The following PSME4 variants were observed in gnomAD, a reference collection of about 807,000 sequenced individuals.
PSME4 encodes the protein proteasome activator subunit 4.
PSME4 carries 89 observed loss-of-function variants against 253.9 expected under a neutral mutation model. The observed-to-expected ratio is 0.35, with a 90% CI of 0.30 to 0.42. The LOEUF is 0.42. PSME4 is among the 10% of genes least tolerant of loss of function. The probability of loss-of-function intolerance (pLI) is 1.00; values close to 1 mark genes in which losing one functional copy is unlikely to be tolerated. For missense variants in PSME4, 2,014 were observed against 2,195.2 expected (o/e 0.92, Z 1.65); for synonymous variants, 851 against 759.2 (o/e 1.12, Z -1.99).
At chr2:53,896,585 T>C (rs1680148178) in intron 32 of PSME4, among the ~76,000 whole-genome samples, 1 of 152,180 alleles carries the variant, frequency 6.6e-6, no homozygotes, top group Non-Finnish European at 1.5e-5. Flanking sequence ...AATTGCTTAG[T>C]AGGTGAGATA....
intron 3 of PSME4, among the ~76,000 whole-genome samples, chr2:53,940,940 A>AATAT (rs1285943060): frequency 2.3e-4 from 12 of 51,296 alleles, no homozygotes; most frequent in African/African-American, 9.0e-4. Context: ...TACATATATA[A>AATAT]ATATATATAT....
intron 43 of PSME4, among the ~76,000 whole-genome samples, chr2:53,872,338 T>C (rs752949753): frequency 9.2e-5 from 14 of 152,196 alleles, no homozygotes; most frequent in South Asian, 6.2e-4. Context: ...TTAGATAACA[T>C]TGTTTTTCCC....
At position 53,876,713 on chromosome 2, in the gene PSME4, A is replaced by ACTTTT. The variant is rs1553403916; in HGVS notation, c.4816-959_4816-958insAAAAG. Among the ~76,000 whole-genome samples the ACTTTT allele has an allele frequency of 1.3e-3, 100 of 77,210 alleles. 1 individual carries two copies. In the East Asian group the frequency reaches 0.076, roughly 59 times the overall value. 50.7% of individuals were successfully genotyped at this position (77,210 alleles called of 152,430 possible). ...AAATCTGATGGCTGTAGCCACTGTCATTCTTTTTTTTTTTTTTTTTTTTGA... is the reference window on the plus strand; with the variant it reads ...AAATCTGATGGCTGTAGCCACTGTCACTTTTTTCTTTTTTTTTTTTTTTTTTTTGA... On this transcript the variant is annotated intron_variant, in intron 41 of 46. Transcript: ENST00000404125.
At chr2:53,969,665 T>TC (rs1045111643) in intron 1 of PSME4, among the ~76,000 whole-genome samples, 3 of 150,700 alleles carry the variant, frequency 2.0e-5, no homozygotes, top group Non-Finnish European at 4.4e-5. Context: ...GTAACCTTTT[T>TC]TCCCCCACTG....
chr2:53,915,828 T>A (rs1416062204), intron 20 of PSME4, among the ~76,000 whole-genome samples: 1 of 152,086 alleles, frequency 6.6e-6, no homozygotes, highest in Non-Finnish European at 1.5e-5. Flanking sequence ...CCCAGCACTT[T>A]TGGAGGTCAA....
rs776759343 is a variant in PSME4 at position 53,946,974 on chromosome 2, T to C, written c.500+1447A>G. ...GGGAGGGAGGAAAACCTAACAAATA[T>C]TGGTAAAAGCATACTTGCACAATGC... On this transcript the variant is annotated intron_variant, in intron 3 of 46. Coordinates refer to ENST00000404125, the MANE Select transcript of PSME4 (RefSeq NM_014614.3). Among the ~76,000 whole-genome samples the C allele has an allele frequency of 2.0e-5, 3 of 152,092 alleles. No homozygotes were observed. In the East Asian group the frequency reaches 5.8e-4, roughly 29 times the overall value.
chr2:53,963,420 T>G (rs1218121702), intron 1 of PSME4, among the ~76,000 whole-genome samples: 4 of 152,116 alleles, frequency 2.6e-5, no homozygotes, highest in Non-Finnish European at 5.9e-5. Flanking sequence ...CCAAAACCAG[T>G]GCCCAGCCCA....
At chr2:53,961,636 C>G (rs1350345884) in intron 1 of PSME4, among the ~76,000 whole-genome samples, 7 of 152,112 alleles carry the variant, frequency 4.6e-5, no homozygotes, top group Non-Finnish European at 8.8e-5. Flanking sequence ...TGTGACAGCG[C>G]CACTGCACTC....
chr2:53,898,919 T>C (rs1289394945), intron 29 of PSME4, among the ~76,000 whole-genome samples: 2 of 152,130 alleles, frequency 1.3e-5, no homozygotes, highest in Non-Finnish European at 2.9e-5. Flanking sequence ...TTATAAGAAC[T>C]ATTAAATGAT....
chr2:53,924,531 T>A (rs546357489), intron 14 of PSME4, among the ~76,000 whole-genome samples: 67 of 152,234 alleles, frequency 4.4e-4, no homozygotes, highest in Non-Finnish European at 8.8e-4. Context: ...GTCTTAGGAT[T>A]TAATTTCTAT....
At chr2:53,949,401 T>C (rs928291278) in intron 1 of PSME4, 118 bp from the exon 2 acceptor site, 32 of 536,148 alleles carry the variant, frequency 6.0e-5, no homozygotes, top group Non-Finnish European at 7.6e-5. Flanking sequence ...CACAGAAGGA[T>C]GAATGGATAA....
Position 53,923,526 on chromosome 2 carries a change from C to A in PSME4, c.1810-107G>T, listed in dbSNP as rs1668419658. 6 of 1,331,842 alleles carry A rather than the reference C, an allele frequency of 4.5e-6. No individual in the cohort carries two copies. In the Admixed American group the frequency reaches 1.7e-4, roughly 37 times the overall value. 82.5% of individuals were successfully genotyped at this position (1,331,842 alleles called of 1,614,324 possible). On this transcript the variant is annotated intron_variant, in intron 14 of 46. Coordinates refer to ENST00000404125, the MANE Select transcript of PSME4 (RefSeq NM_014614.3). ...TATTTAGACAATTCCAAAAATAAGC[C>A]CATAGGCAATTTTTAACCATCTGAT...
chr2:53,953,502 A>G (rs994429807), intron 1 of PSME4, among the ~76,000 whole-genome samples: 28 of 151,070 alleles, frequency 1.9e-4, no homozygotes, highest in South Asian at 1.2e-3. Context: ...AAAAAAAAAA[A>G]AAAAAGAAAA....
intron 20 of PSME4, among the ~76,000 whole-genome samples, chr2:53,911,077 T>G (rs182354384): frequency 1.3e-4 from 20 of 152,274 alleles, no homozygotes; most frequent in Admixed American, 1.3e-3. Context: ...GTAGCTGAAT[T>G]AAATGGGTTA....
chr2:53,867,773 T>A (rs1436498781), intron 44 of PSME4, among the ~76,000 whole-genome samples: 1 of 149,996 alleles, frequency 6.7e-6, no homozygotes, highest in African/African-American at 2.4e-5. Context: ...TCTAAAACAA[T>A]CTCCAATCAA....
chr2:53,919,978 T>A (rs1668223536), intron 19 of PSME4, among the ~76,000 whole-genome samples: 2 of 152,104 alleles, frequency 1.3e-5, no homozygotes, highest in African/African-American at 4.8e-5. Flanking sequence ...ATAAAAAAAA[T>A]TAGAAAAAGA....
rs144234204 is a variant in PSME4 at position 53,923,094 on chromosome 2, G to C, written c.1933C>G (p.Leu645Val). ...VKCCPEESLK[L>V]FVPHCCSVIT... is the part of the protein sequence containing the mutation. ...ACACTGCAGCAGTGGGGAACAAAGA[G>C]CTTCAAAGATTCTTCTGGGCAGCAC... is the stretch of plus-strand genomic sequence containing the variant. Residue 645 changes from leucine (L) to valine (V), a missense_variant, in exon 16 of 47, where the codon CTC becomes GTC. Around this residue, in one of 4 missense-constraint regions of PSME4, gnomAD observed 989 missense variants for 1,021.1 expected, o/e 0.97. Transcript: ENST00000404125. 1.2e-6 allele frequency: 2 copies of C among 1,608,162 alleles called. No homozygotes were observed. Among genetic ancestry groups the C allele is most frequent in the African/African-American group, 2.7e-5 (2 of 74,866 alleles).
chr2:53,897,174 T>G (rs915515161), intron 31 of PSME4, among the ~76,000 whole-genome samples: 5 of 151,078 alleles, frequency 3.3e-5, no homozygotes, highest in African/African-American at 9.7e-5. Flanking sequence ...AGGGTTTTTT[T>G]TTTTTTTTTT....
chr2:53,931,741 A>G (rs1390181836), intron 10 of PSME4, 94 bp downstream of exon 10: 1 of 1,369,260 alleles, frequency 7.3e-7, no homozygotes, highest in African/African-American at 1.5e-5. Context: ...GCATCGAAGA[A>G]GCAAAACAGA....
Sources: allele counts gnomAD v4.1 joint callset (sites outside exome capture counted in the v4.1 genomes callset), GRCh38; gene constraint gnomAD v4.1.1; regional missense constraint gnomAD v4.1.1; transcripts MANE v1.5; gene names NCBI Gene and HGNC (gene_info 2026-07-23, HGNC 2026-07-21).